ROBO2: variants seen among roughly 807,000 people sequenced by gnomAD.
ROBO2 encodes roundabout homolog 2.
ROBO2 carries 53 observed loss-of-function variants against 160.8 expected under a neutral mutation model. That is an observed-to-expected ratio of 0.33 (90% CI 0.26 to 0.41). ROBO2 has a LOEUF of 0.41. ROBO2 is among the 10% of genes least tolerant of loss of function. The probability of loss-of-function intolerance (pLI) is 1.00; values close to 1 mark genes in which losing one functional copy is unlikely to be tolerated. For synonymous variants in ROBO2, 664 were observed against 611.7 expected (o/e 1.09, Z -1.26); for missense variants, 1,577 against 1,722.4 (o/e 0.92, Z 1.49).
At chr3:77,465,128 T>G (rs938226111) in intron 2 of ROBO2, among the ~76,000 whole-genome samples, 1 of 152,142 alleles carries the variant, frequency 6.6e-6, no homozygotes, top group African/African-American at 2.4e-5. Flanking sequence ...ATTTTACTAT[T>G]TGTAGACAGT....
chr3:76,758,973 T>C (rs2061144997), intron 2 of ROBO2, among the ~76,000 whole-genome samples: 1 of 151,922 alleles, frequency 6.6e-6, no homozygotes, highest in Non-Finnish European at 1.5e-5. Context: ...ACAGAGTAGA[T>C]ATATTGTTTT....
intron 2 of ROBO2, among the ~76,000 whole-genome samples, chr3:77,277,157 C>CTTCTTTCCTTCTCTTTCT (rs1553882840): frequency 1.1e-5 from 1 of 88,138 alleles, no homozygotes; most frequent in Non-Finnish European, 2.3e-5. Context: ...TCCTTCTTTC[C>CTTCTTTCCTTCTCTTTCT]TTCTTTCTTT....
chr3:76,296,105 A>G (rs1709060198), intron 2 of ROBO2, among the ~76,000 whole-genome samples: 1 of 152,194 alleles, frequency 6.6e-6, no homozygotes, highest in Admixed American at 6.5e-5. Flanking sequence ...GTTGGGCACT[A>G]AATCCAAAGA....
At chr3:77,608,440 A>T (rs1227462685) in intron 21 of ROBO2, among the ~76,000 whole-genome samples, 2 of 152,176 alleles carry the variant, frequency 1.3e-5, no homozygotes, top group Non-Finnish European at 2.9e-5. Flanking sequence ...ATCAGCTCTG[A>T]TGGGAATTTA....
chr3:76,836,616 T>G (rs1166947), intron 2 of ROBO2, among the ~76,000 whole-genome samples: 9 of 151,686 alleles, frequency 5.9e-5, no homozygotes, highest in African/African-American at 2.2e-4. Flanking sequence ...CTAATTTCTC[T>G]TTTGATTTTT....
intron 2 of ROBO2, among the ~76,000 whole-genome samples, chr3:75,937,841 T>TTATATATATA (rs1158457510): frequency 0.035 from 3,708 of 105,132 alleles, 126 homozygotes; most frequent in African/African-American, 0.051. Context: ...GGAATTGATT[T>TTATATATATA]TATATATATA....
At chr3:77,213,329 T>G (rs2084452409) in intron 2 of ROBO2, among the ~76,000 whole-genome samples, 2 of 152,172 alleles carry the variant, frequency 1.3e-5, no homozygotes, top group South Asian at 2.1e-4. Context: ...GTCCAGGAAT[T>G]TATACATTTC....
chr3:77,551,417 C>A (rs889072168), intron 8 of ROBO2, among the ~76,000 whole-genome samples: 2 of 151,892 alleles, frequency 1.3e-5, no homozygotes, highest in African/African-American at 4.8e-5. Flanking sequence ...TTAGGACATT[C>A]CTATGATTTT....
At chr3:76,928,276 C>A (rs2077109832) in intron 2 of ROBO2, among the ~76,000 whole-genome samples, 3 of 152,016 alleles carry the variant, frequency 2.0e-5, no homozygotes, top group Admixed American at 1.3e-4. Context: ...GGAACAAATT[C>A]CCCCCAGAGC....
intron 2 of ROBO2, among the ~76,000 whole-genome samples, chr3:76,127,372 T>C (rs1026881304): frequency 1.3e-5 from 2 of 152,060 alleles, no homozygotes; most frequent in African/African-American, 4.8e-5. Flanking sequence ...TTAATATAAG[T>C]CTAAATTTTT....
At chr3:77,577,409 C>T in intron 14 of ROBO2, 81 bp from the exon 16 acceptor site, 1 of 1,587,452 alleles carries the variant, frequency 6.3e-7, no homozygotes, top group Non-Finnish European at 8.6e-7. Flanking sequence ...TGCAACTTGT[C>T]TTTATACTCA....
rs72456914 is a variant in ROBO2, at chr3:76,502,987, G to GAT, written c.109+565398_109+565399dup. On this transcript the variant is annotated intron_variant, in intron 2 of 26. Coordinates refer to the ROBO2 transcript ENST00000487694. ...TCTCTTAGAGGGACAGAACTAACAG[G>GAT]ATATATATATATATGTGTGTGTGTG... Among the ~76,000 whole-genome samples the GAT allele has an allele frequency of 2.1e-3, 302 of 144,934 alleles. 6 individuals carry two copies. Among genetic ancestry groups the GAT allele is most frequent in the Non-Finnish European group, 6.6e-4 (43 of 65,140 alleles).
At chr3:76,194,353 A>ATGTATATAT (rs1553672736) in intron 2 of ROBO2, among the ~76,000 whole-genome samples, 1 of 94,532 alleles carries the variant, frequency 1.1e-5, no homozygotes, top group Non-Finnish European at 2.1e-5. Flanking sequence ...ATGGTGTGTA[A>ATGTATATAT]ATATATATAT....
intron 2 of ROBO2, among the ~76,000 whole-genome samples, chr3:77,458,391 A>G (rs962751041): frequency 3.3e-5 from 5 of 152,222 alleles, no homozygotes; most frequent in Admixed American, 1.3e-4. Flanking sequence ...GAGGAGACAG[A>G]AAAGATTGAG....
chr3:77,119,951 T>C (rs763620586), intron 2 of ROBO2, among the ~76,000 whole-genome samples: 1 of 152,246 alleles, frequency 6.6e-6, no homozygotes, highest in Non-Finnish European at 1.5e-5. Context: ...CTAATGTTCT[T>C]GTCATTCAAA....
chr3:76,460,068 T>G (rs2077999467), intron 2 of ROBO2, among the ~76,000 whole-genome samples: 1 of 152,110 alleles, frequency 6.6e-6, no homozygotes, highest in African/African-American at 2.4e-5. Flanking sequence ...GTTCTCTAAT[T>G]ATCCTCCATT....
intron 2 of ROBO2, among the ~76,000 whole-genome samples, chr3:76,395,549 G>T (rs1273064907): frequency 1.3e-5 from 2 of 148,192 alleles, no homozygotes; most frequent in Non-Finnish European, 3.0e-5. Flanking sequence ...TTTTTGAAAG[G>T]ATCAACAAAA....
chr3:77,180,794 T>C (rs1026432031), intron 2 of ROBO2, among the ~76,000 whole-genome samples: 1 of 152,026 alleles, frequency 6.6e-6, no homozygotes, highest in African/African-American at 2.4e-5. Context: ...TATGTATATA[T>C]AAATTCTATG....
chr3:76,980,072 CTT>C (rs1293570264), intron 2 of ROBO2, among the ~76,000 whole-genome samples: 8 of 152,094 alleles, frequency 5.3e-5, no homozygotes, highest in Non-Finnish European at 7.4e-5. Flanking sequence ...CAGGAAATAA[CTT>C]ACTTTGAATC....
Sources: gnomAD v4.1 joint callset for allele counts (sites outside exome capture counted in the v4.1 genomes callset) on GRCh38, gnomAD v4.1.1 for gene constraint, MANE v1.5 for transcripts, NCBI Gene and HGNC (gene_info 2026-07-23, HGNC 2026-07-21) for gene names.